Variants in MACF1 observed in about 807,000 individuals in gnomAD.
MACF1 encodes microtubule-actin cross-linking factor 1.
Under a neutral mutation model 854.8 loss-of-function variants are expected in MACF1, and 193 were observed. The ratio of observed to expected loss-of-function variants is 0.23; its 90% CI spans 0.20 to 0.25. MACF1 has a LOEUF of 0.25. Ranked by LOEUF, MACF1 falls within the 10% of genes least tolerant of loss-of-function variation. MACF1 has a pLI of 1.00. For synonymous variants in MACF1, 3,185 were observed against 3,226.7 expected (o/e 0.99, Z 0.44); for missense variants, 7,722 against 8,929.1 (o/e 0.86, Z 5.45).
At position 39,451,173 on chromosome 1, in the gene MACF1, G is replaced by A. The variant is rs1644334445; in HGVS notation, c.20380G>A (p.Asp6794Asn). The A allele has an allele frequency of 5.6e-6, 9 of 1,614,024 alleles. No homozygotes were observed. The highest frequency in any genetic ancestry group is 1.3e-5 in the African/African-American group (1 of 74,926). The part of the protein sequence containing the change: ...QLAEDQPVHG[D>N]LDLVMNLMDA... The stretch of plus-strand genomic sequence containing the variant: ...GGCTGAGGACCAGCCCGTGCACGGG[G>A]ACCTTGACCTCGTCATGAACCTCAT... The change falls in exon 85 of 101, where the codon GAC (aspartate) becomes AAC (asparagine). Residue 6794 changes from aspartate to asparagine, a missense_variant. Asp to Asn is a conservative substitution (Grantham distance 23). Coordinates refer to ENST00000564288, the MANE Select transcript of MACF1 (RefSeq NM_001394062.1).
At chr1:39,181,022 CAGCCTCCTG>C (rs1644098547) in intron 2 of MACF1, among the ~76,000 whole-genome samples, 1 of 152,214 alleles carries the variant, frequency 6.6e-6, no homozygotes, top group African/African-American at 2.4e-5. Flanking sequence ...TCTTGTGCCA[CAGCCTCCTG>C]AGCAGCTGGG....
chr1:39,346,937 T>G, intron 40 of MACF1, 40 bp from the exon 41 acceptor site: 1 of 1,295,788 alleles, frequency 7.7e-7, no homozygotes, highest in Non-Finnish European at 1.1e-6. Flanking sequence ...GGAAGTATCA[T>G]GGTTTTTTGT....
chr1:39,348,520 C>G (rs1031513036), intron 41 of MACF1, among the ~76,000 whole-genome samples: 3 of 152,156 alleles, frequency 2.0e-5, no homozygotes, highest in Non-Finnish European at 4.4e-5. Flanking sequence ...TTTTCAGATT[C>G]AGTCTGCACC....
chr1:39,247,914 C>T (rs1645000535), intron 2 of MACF1, among the ~76,000 whole-genome samples: 2 of 152,012 alleles, frequency 1.3e-5, no homozygotes, highest in Admixed American at 1.3e-4. Flanking sequence ...CCCAGCTACT[C>T]GGGAGGCTGA....
intron 60 of MACF1, 29 bp downstream of exon 60, chr1:39,422,929 G>A (rs1479478834): frequency 1.2e-6 from 2 of 1,604,520 alleles, no homozygotes; most frequent in Non-Finnish European, 8.5e-7. Context: ...ACAGTGAACT[G>A]TAACAGCCGT....
intron 6 of MACF1, among the ~76,000 whole-genome samples, chr1:39,273,889 CTTGT>C (rs1182840130): frequency 6.6e-6 from 1 of 152,148 alleles, no homozygotes; most frequent in Non-Finnish European, 1.5e-5. Flanking sequence ...CGCGCCCAGC[CTTGT>C]TTCTTTTTAA....
chr1:39,323,877 A>G (rs1432672005), intron 33 of MACF1, among the ~76,000 whole-genome samples: 1 of 152,244 alleles, frequency 6.6e-6, no homozygotes, highest in Non-Finnish European at 1.5e-5. Flanking sequence ...CCTAAGAATT[A>G]TGAAAATGAG....
intron 58 of MACF1, among the ~76,000 whole-genome samples, chr1:39,396,848 T>G (rs1258843762): frequency 1.3e-5 from 2 of 152,194 alleles, no homozygotes; most frequent in Non-Finnish European, 2.9e-5. Context: ...TCTTCACAAG[T>G]CTCAGCTGTC....
At chr1:39,180,477 G>A (rs111938866) in intron 2 of MACF1, among the ~76,000 whole-genome samples, 34 of 152,174 alleles carry the variant, frequency 2.2e-4, no homozygotes, top group East Asian at 1.6e-3. Flanking sequence ...TTAGCAGGGC[G>A]TGGTGGCTCA....
At chr1:39,268,664 G>A in intron 6 of MACF1, 1 of 1,236,864 alleles carries the variant, frequency 8.1e-7, no homozygotes, top group Non-Finnish European at 1.0e-6. Context: ...GACTGGCTTA[G>A]CTGCGTTTTT....
chr1:39,208,035 AG>A (rs1232131335), intron 1 of MACF1, among the ~76,000 whole-genome samples: 5 of 151,580 alleles, frequency 3.3e-5, no homozygotes, highest in Admixed American at 2.6e-4. Flanking sequence ...CGGGAGGCTG[AG>A]GCAGGAGAAC....
At chr1:39,404,048 G>A (rs1235389470) in intron 58 of MACF1, among the ~76,000 whole-genome samples, 1 of 151,200 alleles carries the variant, frequency 6.6e-6, no homozygotes, top group Non-Finnish European at 1.5e-5. Context: ...AGAATCGCTT[G>A]AACTTGAGAG....
chr1:39,454,895 T>C lies in MACF1; in HGVS notation c.20887-14T>C, dbSNP rs752034580. 1 of 1,603,730 alleles carries C rather than the reference T, an allele frequency of 6.2e-7. No homozygotes were observed. The highest frequency in any genetic ancestry group is 8.5e-7 in the Non-Finnish European group (1 of 1,175,468). On this transcript the variant is annotated splice_polypyrimidine_tract_variant and intron_variant, in intron 88 of 100. Coordinates refer to ENST00000564288, the MANE Select transcript of MACF1 (RefSeq NM_001394062.1). ...TTGACTGAAAGAGGCCATGGTTTCC[T>C]TCTTTTTCCACAGGTCCTGACATGG...
Position 39,286,813 on chromosome 1 carries a change from ATT to A in MACF1, c.1509-472_1509-471del, listed in dbSNP as rs557803908. On this transcript the variant is annotated intron_variant, in intron 14 of 100. Transcript: ENST00000564288. ...TATATTTGGGAGTTATATAAATAGT[ATT>A]GTTAGCTTCCCTCCAGTTAACACTG... Among the ~76,000 whole-genome samples the A allele has an allele frequency of 1.1e-4, 16 of 152,256 alleles. No homozygotes were observed. In the East Asian group the frequency reaches 2.7e-3, roughly 26 times the overall value.
chr1:39,100,911 C>T (rs977529628), intron 2 of MACF1, among the ~76,000 whole-genome samples: 2 of 151,080 alleles, frequency 1.3e-5, no homozygotes, highest in Non-Finnish European at 3.0e-5. Context: ...CAAATGCACG[C>T]GCGCGTGTGT....
chr1:39,190,404 T>TTG (rs780177029), intron 2 of MACF1, among the ~76,000 whole-genome samples: 6,934 of 135,804 alleles, frequency 0.051, 296 homozygotes, highest in South Asian at 0.11. Context: ...TGTTTTTGTT[T>TTG]TTTTTTTTTT....
chr1:39,147,726 A>G (rs1643499500), intron 2 of MACF1, among the ~76,000 whole-genome samples: 1 of 152,070 alleles, frequency 6.6e-6, no homozygotes, highest in African/African-American at 2.4e-5. Flanking sequence ...TTGGCCCCTC[A>G]AAGTGCTGGG....
chr1:39,205,156 C>T (rs1328266051), intron 1 of MACF1, 25 bp downstream of exon 1: 2 of 702,820 alleles, frequency 2.8e-6, no homozygotes, highest in Admixed American at 4.0e-5. Context: ...CCCAGTTATT[C>T]TTTAAATCTA....
intron 16 of MACF1, 36 bp downstream of exon 16, chr1:39,292,074 C>T (rs369441300): frequency 2.2e-5 from 35 of 1,609,068 alleles, no homozygotes; most frequent in African/African-American, 4.0e-5. Flanking sequence ...ACAGGAGGGA[C>T]GTGGTTGGAA....
Sources: allele counts gnomAD v4.1 joint callset (sites outside exome capture counted in the v4.1 genomes callset), GRCh38; gene constraint gnomAD v4.1.1; transcripts MANE v1.5; gene names NCBI Gene and HGNC (gene_info 2026-07-23, HGNC 2026-07-21).